Variants in GRM1 observed in about 807,000 individuals in gnomAD.
The protein encoded by GRM1 is metabotropic glutamate receptor 1.
A neutral mutation model predicts 90.9 loss-of-function variants in GRM1; 33 were observed. The observed-to-expected ratio is 0.36, with a 90% confidence interval of 0.28 to 0.49. The LOEUF (loss-of-function observed/expected upper bound fraction) is 0.49, where lower values mean the gene tolerates loss of function less well. Among genes scored for constraint, GRM1 ranks in the 20% least tolerant of loss-of-function variants. The probability of loss-of-function intolerance (pLI) is 0.99; values close to 1 mark genes in which losing one functional copy is unlikely to be tolerated. For synonymous variants in GRM1, 700 were observed against 613.2 expected (o/e 1.14, Z -2.09); for missense variants, 1,190 against 1,534.3 (o/e 0.78, Z 3.75).
chr6:146,129,838 A>G (rs1176274182), intron 1 of GRM1, among the ~76,000 whole-genome samples: 1 of 152,212 alleles, frequency 6.6e-6, no homozygotes, highest in Non-Finnish European at 1.5e-5. Flanking sequence ...AATTCAAGTT[A>G]TCATCTCAGT....
chr6:146,199,853 A>G (rs1310534132), intron 2 of GRM1, among the ~76,000 whole-genome samples: 1 of 152,186 alleles, frequency 6.6e-6, no homozygotes, highest in Non-Finnish European at 1.5e-5. Flanking sequence ...CCCCATCTCT[A>G]CTAAAAATAC....
intron 3 of GRM1, among the ~76,000 whole-genome samples, chr6:146,307,482 C>T (rs1021124866): frequency 1.3e-5 from 2 of 151,962 alleles, no homozygotes; most frequent in Admixed American, 1.3e-4. Context: ...GTATACCTAC[C>T]TTGGTCTTCG....
intron 7 of GRM1, among the ~76,000 whole-genome samples, chr6:146,409,513 C>T (rs1197096932): frequency 3.3e-5 from 5 of 152,114 alleles, no homozygotes; most frequent in Non-Finnish European, 5.9e-5. Flanking sequence ...TCTCCATTGC[C>T]TCGGGATGAA....
chr6:146,322,937 AT>A (rs990740887), intron 3 of GRM1, among the ~76,000 whole-genome samples: 61 of 152,176 alleles, frequency 4.0e-4, no homozygotes, highest in Middle Eastern at 3.4e-3. Context: ...TGAACTCATC[AT>A]TTTTTATGGC....
chr6:146,362,800 G>A lies in GRM1; in HGVS notation c.1602+5106G>A, dbSNP rs532203063. Among the ~76,000 whole-genome samples, 53 of 151,868 alleles carry A rather than the reference G, an allele frequency of 3.5e-4. No individual in the cohort carries two copies. In the South Asian group the frequency reaches 4.4e-3, roughly 13 times the overall value. ...AGACTGCTTAATTTAAACCTCTAGC[G>A]TGCTCCTTGCTCAATTTTAGCTTCT... On this transcript the variant is annotated intron_variant, in intron 5 of 7. Coordinates refer to ENST00000282753, the MANE Select transcript of GRM1 (RefSeq NM_001278064.2).
chr6:146,189,958 C>G (rs4130632), intron 2 of GRM1, among the ~76,000 whole-genome samples: 37,839 of 152,096 alleles, frequency 0.25, 8,226 homozygotes, highest in African/African-American at 0.59. Context: ...TTCTATGTTA[C>G]AGTGTTTTGC....
intron 4 of GRM1, among the ~76,000 whole-genome samples, chr6:146,354,101 G>A (rs1420463333): frequency 2.0e-5 from 3 of 152,174 alleles, no homozygotes; most frequent in South Asian, 2.1e-4. Context: ...AAGGATAAAC[G>A]ATATCAGTCA....
At chr6:146,319,270 T>C (rs1298860717) in intron 3 of GRM1, among the ~76,000 whole-genome samples, 2 of 152,192 alleles carry the variant, frequency 1.3e-5, no homozygotes, top group Admixed American at 6.5e-5. Context: ...AAAGATCAGA[T>C]GGTTGTACAT....
At chr6:146,328,617 A>T (rs1354600368) in intron 3 of GRM1, among the ~76,000 whole-genome samples, 1 of 152,178 alleles carries the variant, frequency 6.6e-6, no homozygotes, top group Non-Finnish European at 1.5e-5. Flanking sequence ...CATATATTCA[A>T]CACTATTTTA....
rs112454755 is a variant in GRM1 at position 146,343,972 on chromosome 6, C to G, written c.1187-8278C>G. 8.8e-3 allele frequency among the ~76,000 whole-genome samples: 1,338 copies of G among 152,158 alleles called. 12 individuals carry two copies. The highest frequency in any genetic ancestry group is 0.031 in the African/African-American group (1,286 of 41,484). ...TACTGCTATTGGAGTGTTGTTGATT[C>G]GGTGAAAAGAGCTAGGTATATACGT... On this transcript the variant is annotated intron_variant, in intron 3 of 7. Transcript: ENST00000282753.
chr6:146,391,286 T>C (rs1776711882), intron 6 of GRM1, among the ~76,000 whole-genome samples: 1 of 152,068 alleles, frequency 6.6e-6, no homozygotes, highest in South Asian at 2.1e-4. Flanking sequence ...ATCAGAGTTA[T>C]TGCCACCTTG....
chr6:146,104,665 C>T (rs1177518911), intron 1 of GRM1, among the ~76,000 whole-genome samples: 1 of 152,174 alleles, frequency 6.6e-6, no homozygotes, highest in East Asian at 1.9e-4. Flanking sequence ...CTGTTACATG[C>T]TCTAGAGATG....
intron 2 of GRM1, among the ~76,000 whole-genome samples, chr6:146,181,506 G>A (rs1214355257): frequency 1.3e-5 from 2 of 152,120 alleles, no homozygotes; most frequent in Non-Finnish European, 2.9e-5. Flanking sequence ...TTGAATATAA[G>A]TTCACTCTGC....
At chr6:146,183,583 T>C (rs1190613786) in intron 2 of GRM1, among the ~76,000 whole-genome samples, 3 of 152,190 alleles carry the variant, frequency 2.0e-5, no homozygotes, top group African/African-American at 7.2e-5. Context: ...CTCTGAATTT[T>C]AGTTTCTATC....
At chr6:146,157,415 A>G (rs1210598177) in intron 1 of GRM1, among the ~76,000 whole-genome samples, 4 of 152,208 alleles carry the variant, frequency 2.6e-5, no homozygotes, top group African/African-American at 9.6e-5. Context: ...GGGTATGCCT[A>G]TGTCCAAACT....
At chr6:146,074,597 C>T (rs1776122472) in intron 1 of GRM1, among the ~76,000 whole-genome samples, 1 of 152,136 alleles carries the variant, frequency 6.6e-6, no homozygotes, top group African/African-American at 2.4e-5. Flanking sequence ...GCTTGGGTAG[C>T]CACTTCCTGG....
At chr6:146,212,338 T>A (rs1779710864) in intron 2 of GRM1, among the ~76,000 whole-genome samples, 1 of 152,230 alleles carries the variant, frequency 6.6e-6, no homozygotes, top group African/African-American at 2.4e-5. Flanking sequence ...ACTATTTTAT[T>A]CAAACAGGGC....
intron 2 of GRM1, among the ~76,000 whole-genome samples, chr6:146,197,323 G>A (rs1217793856): frequency 1.3e-5 from 2 of 152,194 alleles, no homozygotes; most frequent in African/African-American, 4.8e-5. Flanking sequence ...AATTAAACAA[G>A]TTTCTTTTAC....
In GRM1 at chr6:146,029,196, A is replaced by G. The variant is rs1790615146; in HGVS notation, c.-322A>G. The G allele has an allele frequency of 4.7e-6, 2 of 422,016 alleles. No homozygotes were observed. Among genetic ancestry groups the G allele is most frequent in the African/African-American group, 2.0e-5 (1 of 49,654 alleles). The allele number at this position is 422,016 out of a possible 1,614,324, so 26.1% of individuals were successfully genotyped here. On this transcript the variant is annotated 5_prime_UTR_variant, in exon 1 of 8. Coordinates refer to ENST00000282753, the MANE Select transcript of GRM1 (RefSeq NM_001278064.2). Reference sequence around the variant, plus strand: ...TGATTTTTCTCTGTCTTTTGTCAGCAGCATCTAGCTCACCGCTGCCAACAC... The same window carrying G: ...TGATTTTTCTCTGTCTTTTGTCAGCGGCATCTAGCTCACCGCTGCCAACAC...
Sources: allele counts gnomAD v4.1 joint callset (sites outside exome capture counted in the v4.1 genomes callset), GRCh38; gene constraint gnomAD v4.1.1; transcripts MANE v1.5; gene names NCBI Gene and HGNC (gene_info 2026-07-23, HGNC 2026-07-21).